ARID4B: variants seen among roughly 807,000 people sequenced by gnomAD.
The protein encoded by ARID4B is AT-rich interactive domain-containing protein 4B.
Under a neutral mutation model 147.5 loss-of-function variants are expected in ARID4B, and 26 were observed. The ratio of observed to expected loss-of-function variants is 0.18; its 90% CI spans 0.13 to 0.24. ARID4B has a LOEUF of 0.24. Ranked by LOEUF, ARID4B falls within the 10% of genes least tolerant of loss-of-function variation. ARID4B has a pLI of 1.00. For missense variants in ARID4B, 1,179 were observed against 1,511.5 expected, an observed-to-expected ratio of 0.78 and a Z score of 3.65; for synonymous variants, 512 against 507.9, an observed-to-expected ratio of 1.01 and a Z score of -0.11.
chr1:235,175,106 T>C, intron 22 of ARID4B, 78 bp downstream of exon 22: 1 of 1,373,312 alleles, frequency 7.3e-7, no homozygotes, highest in Non-Finnish European at 1.0e-6. Context: ...ACTCTGTCTC[T>C]AAAAACAAAA....
chr1:235,248,932 T>C (rs569878929), intron 6 of ARID4B, among the ~76,000 whole-genome samples: 2 of 152,264 alleles, frequency 1.3e-5, no homozygotes, highest in African/African-American at 2.4e-5. Flanking sequence ...AGAGGGAAAA[T>C]GTCTATGGCC....
chr1:235,309,634 G>A, intron 2 of ARID4B, among the ~76,000 whole-genome samples: 1 of 151,764 alleles, frequency 6.6e-6, no homozygotes. Context: ...TGGGAAGTGA[G>A]GAGCCCCTCT....
chr1:235,292,336 G>A (rs1672391398), intron 2 of ARID4B, among the ~76,000 whole-genome samples: 1 of 152,176 alleles, frequency 6.6e-6, no homozygotes, highest in Admixed American at 6.6e-5. Flanking sequence ...AGTTTTGGCT[G>A]GGTGCAGTGG....
At chr1:235,177,379 G>A (rs968016666) in intron 21 of ARID4B, among the ~76,000 whole-genome samples, 3 of 152,094 alleles carry the variant, frequency 2.0e-5, no homozygotes, top group East Asian at 3.8e-4. Flanking sequence ...CAATACCACC[G>A]CTGAATAACA....
At position 235,246,095 on chromosome 1, in the gene ARID4B, GGA is replaced by G. The variant is rs1012916962; in HGVS notation, c.446+323_446+324del. Among the ~76,000 whole-genome samples the G allele has an allele frequency of 3.6e-4, 55 of 152,150 alleles. 1 individual carries two copies. Among genetic ancestry groups the G allele is most frequent in the Non-Finnish European group, 1.5e-4 (10 of 68,016 alleles). ...AGACAGTTACCAGGAAGGGAGGCAT[GGA>G]GACCAAAAATAATAGCATGAATAAA... On this transcript the variant is annotated intron_variant, in intron 7 of 23. Coordinates refer to ENST00000264183, the MANE Select transcript of ARID4B (RefSeq NM_016374.6).
chr1:235,265,227 G>A (rs1479877208), intron 2 of ARID4B, among the ~76,000 whole-genome samples: 4 of 136,762 alleles, frequency 2.9e-5, no homozygotes, highest in Non-Finnish European at 3.2e-5. Context: ...TTAGCCAGGT[G>A]TGGTGGCGGG....
intron 17 of ARID4B, among the ~76,000 whole-genome samples, chr1:235,204,260 T>A (rs1666159867): frequency 6.6e-6 from 1 of 152,162 alleles, no homozygotes; most frequent in African/African-American, 2.4e-5. Flanking sequence ...AGGCGGAGGT[T>A]GCAGTGAGCC....
intron 2 of ARID4B, among the ~76,000 whole-genome samples, chr1:235,265,881 C>G (rs935693252): frequency 2.6e-5 from 4 of 151,806 alleles, no homozygotes; most frequent in Non-Finnish European, 4.4e-5. Context: ...AGAAGAGGGC[C>G]CAGCACACAT....
chr1:235,220,068 T>C, intron 15 of ARID4B, 100 bp from the exon 16 acceptor site: 1 of 839,088 alleles, frequency 1.2e-6, no homozygotes, highest in Non-Finnish European at 1.7e-6. Context: ...CCAATTCTAA[T>C]ATTAAAAGTT....
chr1:235,199,013 C>T (rs867165834), intron 17 of ARID4B, among the ~76,000 whole-genome samples: 1 of 152,066 alleles, frequency 6.6e-6, no homozygotes, highest in Non-Finnish European at 1.5e-5. Context: ...GCTGGAGAAT[C>T]GCTTCAACCC....
chr1:235,258,012 G>A (rs1201568747), intron 3 of ARID4B, among the ~76,000 whole-genome samples: 1 of 152,092 alleles, frequency 6.6e-6, no homozygotes, highest in Admixed American at 6.5e-5. Context: ...AGGTAGGTAT[G>A]ACTGTTCCCA....
At chr1:235,207,808 C>A (rs1486982646) in intron 17 of ARID4B, among the ~76,000 whole-genome samples, 2 of 152,156 alleles carry the variant, frequency 1.3e-5, no homozygotes, top group Non-Finnish European at 2.9e-5. Flanking sequence ...GTTTTTTCAT[C>A]CCCTAACTCA....
chr1:235,199,218 C>T lies in ARID4B; in HGVS notation c.1842-3103G>A, dbSNP rs537311667. ...GCAAACATAATGTATAATAATATTA[C>T]ATTATATTTATAGATCTAACTTAAC... On this transcript the variant is annotated intron_variant, in intron 17 of 23. Transcript: ENST00000264183. Among the ~76,000 whole-genome samples, 223 of 152,194 alleles carry T rather than the reference C, an allele frequency of 1.5e-3. 1 individual carries two copies. The highest frequency in any genetic ancestry group is 5.2e-3 in the African/African-American group (215 of 41,530).
chr1:235,242,155 G>A (rs557045993), intron 7 of ARID4B, among the ~76,000 whole-genome samples: 1 of 152,024 alleles, frequency 6.6e-6, no homozygotes. Context: ...GGCTGAGGCA[G>A]GAGAATTGCC....
intron 2 of ARID4B, 74 bp from the exon 3 acceptor site, chr1:235,260,826 G>A (rs568226831): frequency 5.2e-5 from 52 of 998,932 alleles, no homozygotes; most frequent in Admixed American, 3.0e-4. Context: ...AGAATAGTGA[G>A]CCTAATCTTG....
intron 6 of ARID4B, among the ~76,000 whole-genome samples, chr1:235,247,638 A>C (rs1355868172): frequency 6.6e-6 from 1 of 152,162 alleles, no homozygotes; most frequent in Admixed American, 6.5e-5. Context: ...AATCTTTCAA[A>C]TTTAGTTTGT....
chr1:235,199,822 T>C (rs1275157967), intron 17 of ARID4B, among the ~76,000 whole-genome samples: 4 of 152,152 alleles, frequency 2.6e-5, no homozygotes, highest in East Asian at 1.9e-4. Context: ...AGACGTTAAA[T>C]AGCACTTTAG....
chr1:235,229,241 C>A lies in ARID4B; in HGVS notation c.887G>T (p.Ser296Ile). ...ACTGTTTTCACTTACTTCTTCTTCACTGCTATTATCCTCCTTTTCTTTTTC... is the reference window on the plus strand; with the variant it reads ...ACTGTTTTCACTTACTTCTTCTTCAATGCTATTATCCTCCTTTTCTTTTTC... ...DDEKEKEDNS[S>I]EEEEEIEPFP... The change falls in exon 11 of 24, where the codon AGT becomes ATT. Residue 296 changes from serine to isoleucine, a missense_variant. Around this residue, in one of 10 missense-constraint regions of ARID4B, gnomAD observed 159 missense variants for 190.5 expected, o/e 0.83. Coordinates refer to ENST00000264183, the MANE Select transcript of ARID4B (RefSeq NM_016374.6). 6.2e-7 allele frequency: 1 copy of A among 1,610,302 alleles called. No homozygotes were observed. The highest frequency in any genetic ancestry group is 8.5e-7 in the Non-Finnish European group (1 of 1,178,066).
chr1:235,182,285 T>C lies in ARID4B; in HGVS notation c.2634A>G (p.Lys878=). 6.2e-7 allele frequency: 1 copy of C among 1,613,898 alleles called. No individual in the cohort carries two copies. The highest frequency in any genetic ancestry group is 8.5e-7 in the Non-Finnish European group (1 of 1,179,992). ...TTCTTTTTTCCTCCAAACCATTGTATTTCTTAGTTGGTGTCATCTTTGCTT... is the reference window on the plus strand; with the variant it reads ...TTCTTTTTTCCTCCAAACCATTGTACTTCTTAGTTGGTGTCATCTTTGCTT... ...ETKAKMTPTK[K]YNGLEEKRKS... The change falls in exon 20 of 24, where the codon AAA becomes AAG. Residue 878 remains lysine (K), a synonymous_variant. Coordinates refer to ENST00000264183, the MANE Select transcript of ARID4B (RefSeq NM_016374.6).
Sources: allele counts gnomAD v4.1 joint callset (sites outside exome capture counted in the v4.1 genomes callset), GRCh38; gene constraint gnomAD v4.1.1; regional missense constraint gnomAD v4.1.1; transcripts MANE v1.5; gene names NCBI Gene and HGNC (gene_info 2026-07-23, HGNC 2026-07-21).